The following SPTY2D1 variants were observed in gnomAD, a reference collection of about 807,000 sequenced individuals.
SPTY2D1 encodes protein SPT2 homolog.
Under a neutral mutation model 64.0 loss-of-function variants are expected in SPTY2D1, and 21 were observed. The observed-to-expected ratio is 0.33, with a 90% confidence interval of 0.23 to 0.47. The LOEUF is 0.47. SPTY2D1 is among the 20% of genes least tolerant of loss of function. The pLI is 1.00. For synonymous variants in SPTY2D1, 287 were observed against 286.8 expected (o/e 1.00, Z -0.01); for missense variants, 724 against 837.2 (o/e 0.86, Z 1.67).
At position 18,609,788 on chromosome 11, in the gene SPTY2D1, G is replaced by A. The variant is rs1185223352; in HGVS notation, c.*73C>T. On this transcript the variant is annotated 3_prime_UTR_variant, in exon 6 of 6. Coordinates refer to ENST00000336349, the MANE Select transcript of SPTY2D1 (RefSeq NM_194285.3). ...AGTATAAATCTAAAATGATAAGGGG[G>A]CTTCTTCAGTCTGAAGGCAGGAAAT... 4 of 1,343,516 alleles carry A rather than the reference G, an allele frequency of 3.0e-6. No individual in the cohort carries two copies. Among genetic ancestry groups the A allele is most frequent in the Middle Eastern group, 1.8e-4 (1 of 5,450 alleles). The allele number at this position is 1,343,516 out of a possible 1,614,324, so 83.2% of individuals were successfully genotyped here. A position where few individuals can be genotyped will look rare whatever the true frequency, so the allele number is the denominator to read the frequency against.
Position 18,615,524 on chromosome 11 carries a change from A to T in SPTY2D1, c.750T>A (p.His250Gln). The T allele has an allele frequency of 1.2e-6, 2 of 1,614,210 alleles. No homozygotes were observed. The highest frequency in any genetic ancestry group is 1.7e-6 in the Non-Finnish European group (2 of 1,180,044). Reference sequence around the variant, plus strand: ...GAAGGGGCATTCCTTTGGAAGAAGGATGCCTGTCTCCAGAACCTTTGCTAA... The same window carrying T: ...GAAGGGGCATTCCTTTGGAAGAAGGTTGCCTGTCTCCAGAACCTTTGCTAA... Reference protein sequence around the residue: ...TKLSKGSGDRHPSSKGMPLPH... With the variant: ...TKLSKGSGDRQPSSKGMPLPH... Residue 250 changes from histidine to glutamine, a missense_variant, in exon 3 of 6, where the codon CAT (histidine) becomes CAA (glutamine). By Grantham distance (24) the His-to-Gln change is conservative. Around this residue, in one of 3 missense-constraint regions of SPTY2D1, gnomAD observed 426 missense variants for 431.8 expected, o/e 0.99. Coordinates refer to ENST00000336349, the MANE Select transcript of SPTY2D1 (RefSeq NM_194285.3).
chr11:18,630,958 C>G (rs577802976), intron 1 of SPTY2D1, among the ~76,000 whole-genome samples: 1 of 152,302 alleles, frequency 6.6e-6, no homozygotes, highest in Admixed American at 6.5e-5. Context: ...CCTGCCTCAG[C>G]CTCCTGAGTA....
chr11:18,625,469 G>C (rs186630759), intron 1 of SPTY2D1, among the ~76,000 whole-genome samples: 3 of 152,250 alleles, frequency 2.0e-5, no homozygotes, highest in Admixed American at 2.0e-4. Context: ...GTATTTACTG[G>C]CAATCACACG....
rs766753968 is a variant in SPTY2D1, at chr11:18,615,309, G to C, written c.965C>G (p.Pro322Arg). ...GCTAGCAGAAGTCTTTGGGACACTTGGTGAAGAGGTGCTGGAATGAGGCTT... is the reference window on the plus strand; with the variant it reads ...GCTAGCAGAAGTCTTTGGGACACTTCGTGAAGAGGTGCTGGAATGAGGCTT... ...AGKPHSSTSS[P>R]SVPKTSASRT... is the part of the protein sequence containing the mutation. The change falls in exon 3 of 6, where the codon CCA becomes CGA. Residue 322 changes from proline to arginine, a missense_variant. Coordinates refer to ENST00000336349, the MANE Select transcript of SPTY2D1 (RefSeq NM_194285.3). The C allele has an allele frequency of 1.5e-5, 24 of 1,614,202 alleles. No individual in the cohort carries two copies. Among genetic ancestry groups the C allele is most frequent in the Non-Finnish European group, 1.9e-5 (23 of 1,180,038 alleles).
At chr11:18,611,635 A>C in intron 4 of SPTY2D1, 81 bp from the exon 5 acceptor site, 1 of 1,129,924 alleles carries the variant, frequency 8.9e-7, no homozygotes, top group South Asian at 1.3e-5. Context: ...TAAAAAATCA[A>C]TATCTCCTTT....
In SPTY2D1 at chr11:18,608,465, C is replaced by A. The variant is rs1442720643; in HGVS notation, c.*1396G>T. 1.3e-5 allele frequency: 2 copies of A among 152,234 alleles called. No individual in the cohort carries two copies. Among genetic ancestry groups the A allele is most frequent in the Admixed American group, 6.5e-5 (1 of 15,276 alleles). The allele number at this position is 152,234 out of a possible 1,614,324, so 9.4% of individuals were successfully genotyped here. ...ATCCCTCCTACTTCCTAATCCCCCC[C>A]ATACAATGGCTTAAGATAGCCAAAA... On this transcript the variant is annotated 3_prime_UTR_variant, in exon 6 of 6. Coordinates refer to ENST00000336349, the MANE Select transcript of SPTY2D1 (RefSeq NM_194285.3).
At chr11:18,629,298 C>G (rs1021501666) in intron 1 of SPTY2D1, among the ~76,000 whole-genome samples, 1 of 145,376 alleles carries the variant, frequency 6.9e-6, no homozygotes, top group Admixed American at 7.2e-5. Flanking sequence ...GCCAGGAGTT[C>G]GAGACCAGCC....
chr11:18,610,905 T>C (rs1183377778), intron 5 of SPTY2D1, among the ~76,000 whole-genome samples: 1 of 152,246 alleles, frequency 6.6e-6, no homozygotes, highest in East Asian at 1.9e-4. Flanking sequence ...TAACATTTAC[T>C]GTGTATCCAC....
In SPTY2D1 at chr11:18,614,572, C is replaced by T. The variant is rs1854257534; in HGVS notation, c.1702G>A (p.Ala568Thr). 1 of 1,606,008 alleles carries T rather than the reference C, an allele frequency of 6.2e-7. No homozygotes were observed. The change falls in exon 3 of 6, where the codon GCT (alanine) becomes ACT (threonine). Residue 568 changes from alanine (A) to threonine (T), a missense_variant. Ala to Thr is a moderately conservative substitution (Grantham distance 58). This residue lies in a region of SPTY2D1 where 119 missense variants were observed against 172.9 expected (regional missense o/e 0.69). Coordinates refer to ENST00000336349, the MANE Select transcript of SPTY2D1 (RefSeq NM_194285.3). ...GMKPPLSGYR[A>T]AQGPQRLPFP... ...TGAGGGGAAATTTTACCTTGGGCAG[C>T]TCTGTAGCCAGATAGGGGAGGCTTC...
rs1235507127 is a variant in SPTY2D1 at position 18,628,950 on chromosome 11, G to A, written c.60+5248C>T. ...AATTTACATTATCTACCTGGCCCCT[G>A]AAGACATCTGAATTTGCTGTCCTAG... On this transcript the variant is annotated intron_variant, in intron 1 of 5. Transcript: ENST00000336349. Among the ~76,000 whole-genome samples the A allele has an allele frequency of 3.9e-5, 6 of 152,236 alleles. No homozygotes were observed. In the East Asian group the frequency reaches 9.6e-4, roughly 24 times the overall value.
rs987261956 is a variant in SPTY2D1, at chr11:18,606,964, G to A, written c.*2897C>T. On this transcript the variant is annotated 3_prime_UTR_variant, in exon 6 of 6. Transcript: ENST00000336349. ...CAACCTCCGCCTCCCAGGTTCTAGC[G>A]ATTCTCCTGCCTCAGCCTCCCCGGT... is the stretch of plus-strand genomic sequence containing the variant. 21 of 294,720 alleles carry A rather than the reference G, an allele frequency of 7.1e-5. No homozygotes were observed. In the East Asian group the frequency reaches 1.4e-3, roughly 19 times the overall value. The allele number at this position is 294,720 out of a possible 1,614,324, so 18.3% of individuals were successfully genotyped here. A position where few individuals can be genotyped will look rare whatever the true frequency, so the allele number is the denominator to read the frequency against.
In SPTY2D1 at chr11:18,609,596, T is replaced by A; in HGVS notation, c.*265A>T. 1 of 457,690 alleles carries A rather than the reference T, an allele frequency of 2.2e-6. No homozygotes were observed. The highest frequency in any genetic ancestry group is 2.9e-5 in the South Asian group (1 of 33,988). The allele number at this position is 457,690 out of a possible 1,614,324, so 28.4% of individuals were successfully genotyped here. On this transcript the variant is annotated 3_prime_UTR_variant, in exon 6 of 6. Transcript: ENST00000336349. ...GTGGCCCCACATTAGAGTGCATAGC[T>A]CATCAGGATCAAGGCTGGCATCTGT...
intron 1 of SPTY2D1, among the ~76,000 whole-genome samples, chr11:18,623,710 C>T (rs985692353): frequency 6.6e-6 from 1 of 152,218 alleles, no homozygotes; most frequent in Admixed American, 6.5e-5. Context: ...GATTTTCCAG[C>T]CTGCTGGCCT....
chr11:18,607,611 A>T lies in SPTY2D1; in HGVS notation c.*2250T>A, dbSNP rs1279821640. 6.6e-6 allele frequency: 1 copy of T among 152,628 alleles called. No homozygotes were observed. The highest frequency in any genetic ancestry group is 1.5e-5 in the Non-Finnish European group (1 of 68,038). 9.5% of individuals were successfully genotyped at this position (152,628 alleles called of 1,614,324 possible). A position where few individuals can be genotyped will look rare whatever the true frequency, so the allele number is the denominator to read the frequency against. ...ATAACAGCCTACTCCAGTTTCTTCAAAGGTTTGTGAGCTTTTTATAAGAGT... is the reference window on the plus strand; with the variant it reads ...ATAACAGCCTACTCCAGTTTCTTCATAGGTTTGTGAGCTTTTTATAAGAGT... On this transcript the variant is annotated 3_prime_UTR_variant, in exon 6 of 6. Coordinates refer to ENST00000336349, the MANE Select transcript of SPTY2D1 (RefSeq NM_194285.3).
chr11:18,620,092 T>A (rs1232259609), intron 1 of SPTY2D1, among the ~76,000 whole-genome samples: 1 of 152,190 alleles, frequency 6.6e-6, no homozygotes, highest in African/African-American at 2.4e-5. Flanking sequence ...TAATGCAGTG[T>A]TCAGTAAGCT....
chr11:18,615,407 C>T lies in SPTY2D1; in HGVS notation c.867G>A (p.Lys289=), dbSNP rs1176008441. The change falls in exon 3 of 6, where the codon AAG becomes AAA. Residue 289 remains lysine, a synonymous_variant. Transcript: ENST00000336349. ...GTTGGGAGCTATTGCCAGATCCTGC[C>T]TTGATCCTCTCTCCTGGCATGGATT... is the stretch of plus-strand genomic sequence containing the variant. The part of the protein sequence containing the change: ...SSKSMPGERI[K]AGSGNSSQPS... 6.8e-6 allele frequency: 11 copies of T among 1,614,234 alleles called. No individual in the cohort carries two copies. The highest frequency in any genetic ancestry group is 8.5e-6 in the Non-Finnish European group (10 of 1,180,038).
intron 2 of SPTY2D1, 117 bp from the exon 3 acceptor site, chr11:18,616,215 A>G (rs548752101): frequency 2.2e-6 from 2 of 902,068 alleles, no homozygotes; most frequent in South Asian, 3.7e-5. Flanking sequence ...TCAAATGAGG[A>G]AGTCATGTGA....
intron 1 of SPTY2D1, among the ~76,000 whole-genome samples, chr11:18,622,709 C>T (rs953058084): frequency 3.3e-5 from 5 of 151,814 alleles, no homozygotes; most frequent in Admixed American, 2.0e-4. Flanking sequence ...CCCTGCACTT[C>T]GGGAGGCTGA....
intron 2 of SPTY2D1, 143 bp downstream of exon 2, chr11:18,616,730 TGG>T (rs1030579844): frequency 1.7e-4 from 86 of 510,180 alleles, no homozygotes; most frequent in East Asian, 1.2e-3. Context: ...TCAGTTAACC[TGG>T]ACACACACAC....
Sources: gnomAD v4.1 joint callset for allele counts (sites outside exome capture counted in the v4.1 genomes callset) on GRCh38, gnomAD v4.1.1 for gene constraint, gnomAD v4.1.1 regional missense constraint, MANE v1.5 for transcripts, NCBI Gene and HGNC (gene_info 2026-07-23, HGNC 2026-07-21) for gene names.